TMEM204: variants seen among roughly 807,000 people sequenced by gnomAD.
TMEM204 encodes transmembrane protein 204.
In TMEM204, 15 loss-of-function variants were observed where a neutral mutation model predicts 19.4. That is an observed-to-expected ratio of 0.77 (90% CI 0.52 to 1.19). The LOEUF is 1.19. Ranked by LOEUF, TMEM204 falls within the 50% of genes most tolerant of loss-of-function variation. TMEM204 has a pLI of 0.00. For missense variants in TMEM204, 287 were observed against 321.2 expected (o/e 0.89, Z 0.81); for synonymous variants, 161 against 146.0 (o/e 1.10, Z -0.74).
chr16:1,531,618 G>A (rs1175583646), upstream of TMEM204: 2 of 152,318 alleles, frequency 1.3e-5, no homozygotes, highest in African/African-American at 4.8e-5. The surrounding 1 kb of genome is among the most constrained non-coding windows in gnomAD (Gnocchi z 4.7). Context: ...GAGAGCCACA[G>A]ATCCTCCCAG....
intron 2 of TMEM204, among the ~76,000 whole-genome samples, chr16:1,548,442 C>T (rs1043631093): frequency 3.3e-5 from 5 of 152,188 alleles, no homozygotes; most frequent in Admixed American, 6.5e-5. Flanking sequence ...TCACACTGTC[C>T]GGGCGGCTCA....
intron 2 of TMEM204, among the ~76,000 whole-genome samples, chr16:1,549,723 C>T (rs939577388): frequency 2.6e-5 from 4 of 152,190 alleles, no homozygotes; most frequent in Non-Finnish European, 4.4e-5. Flanking sequence ...TGAGCCACCA[C>T]GCCTGGCCAC....
intron 1 of TMEM204, chr16:1,541,481 G>T: frequency 2.0e-6 from 2 of 985,408 alleles, no homozygotes; most frequent in Non-Finnish European, 2.4e-6. Flanking sequence ...CTGGCCCCCC[G>T]CGGAGTCTCC....
chr16:1,535,571 T>C (rs1017506913), intron 1 of TMEM204, among the ~76,000 whole-genome samples: 9 of 152,190 alleles, frequency 5.9e-5, no homozygotes, highest in African/African-American at 1.9e-4. Flanking sequence ...CCCGGAGTAC[T>C]GGGGTAACAC....
chr16:1,553,028 G>C lies in TMEM204; in HGVS notation c.437-1754G>C, dbSNP rs529229970. ...AAGAAGCTCCATGAAGTATTATAAA[G>C]AATGAACACAGAAACCAGTCACTGT... On this transcript the variant is annotated intron_variant, in intron 2 of 2. Transcript: ENST00000566264. This position sits in a 1 kb window ranked among gnomAD's most constrained non-coding sequence, Gnocchi z 4.4. 2 of 985,256 alleles carry C rather than the reference G, an allele frequency of 2.0e-6. No individual in the cohort carries two copies. Among genetic ancestry groups the C allele is most frequent in the East Asian group, 1.1e-4 (1 of 8,828 alleles). 61.0% of individuals were successfully genotyped at this position (985,256 alleles called of 1,614,324 possible).
At position 1,533,937 on chromosome 16, in the gene TMEM204, A is replaced by G. The variant is rs2030779837; in HGVS notation, c.-339A>G. 2.8e-6 allele frequency: 1 copy of G among 362,258 alleles called. No individual in the cohort carries two copies. Among genetic ancestry groups the G allele is most frequent in the Non-Finnish European group, 5.0e-6 (1 of 199,934 alleles). 22.4% of individuals were successfully genotyped at this position (362,258 alleles called of 1,614,324 possible). On this transcript the variant is annotated 5_prime_UTR_variant, in exon 1 of 3. Coordinates refer to ENST00000566264, the MANE Select transcript of TMEM204 (RefSeq NM_024600.6). This position sits in a 1 kb window ranked among gnomAD's most constrained non-coding sequence, Gnocchi z 4.7. ...ACTCTGTTTTCCACTGCTGCAGGCGAGAAGAGGCACGCGCGGCACAGGCCG... is the reference window on the plus strand; with the variant it reads ...ACTCTGTTTTCCACTGCTGCAGGCGGGAAGAGGCACGCGCGGCACAGGCCG...
intron 2 of TMEM204, among the ~76,000 whole-genome samples, chr16:1,543,905 G>A (rs1432892159): frequency 6.6e-6 from 1 of 152,174 alleles, no homozygotes; most frequent in Non-Finnish European, 1.5e-5. Context: ...AAATGTAATT[G>A]GAAATGCTGG....
chr16:1,538,270 G>T (rs2031279715), intron 1 of TMEM204, among the ~76,000 whole-genome samples: 1 of 152,224 alleles, frequency 6.6e-6, no homozygotes, highest in South Asian at 2.1e-4. Flanking sequence ...GCTGCACAGA[G>T]CCCCTGCCAT....
chr16:1,549,002 A>G (rs1347992403), intron 2 of TMEM204, among the ~76,000 whole-genome samples: 1 of 152,254 alleles, frequency 6.6e-6, no homozygotes, highest in African/African-American at 2.4e-5. Context: ...CGTCCTCCGC[A>G]GGAGCCACCT....
Position 1,534,267 on chromosome 16 carries a change from GCGTC to G in TMEM204, c.-8_-5del. 1 of 1,609,464 alleles carries G rather than the reference GCGTC, an allele frequency of 6.2e-7. No homozygotes were observed. Among genetic ancestry groups the G allele is most frequent in the South Asian group, 1.1e-5 (1 of 90,890 alleles). ...TTTCTCCGGATAAGCGGCGGCACCG[GCGTC>G]AGCGATGACCGTGCAGAGACTCGTG... On this transcript the variant is annotated 5_prime_UTR_variant, in exon 1 of 3. Transcript: ENST00000566264.
intron 1 of TMEM204, 98 bp from the exon 2 acceptor site, chr16:1,541,823 T>G: frequency 1.4e-6 from 2 of 1,420,426 alleles, no homozygotes; most frequent in Non-Finnish European, 1.9e-6. Flanking sequence ...CGACCGCCCT[T>G]TCCGAGGCAA....
At chr16:1,535,491 A>T (rs2030973740) in intron 1 of TMEM204, among the ~76,000 whole-genome samples, 2 of 152,180 alleles carry the variant, frequency 1.3e-5, no homozygotes, top group Admixed American at 1.3e-4. Context: ...TCGGGGTTGG[A>T]CGCTCCTTCT....
At chr16:1,541,086 A>C (rs895987522) in intron 1 of TMEM204, 1 of 985,274 alleles carries the variant, frequency 1.0e-6, no homozygotes, top group African/African-American at 1.7e-5. Context: ...CTCCCTCTGA[A>C]GTTCACTCAC....
Position 1,534,196 on chromosome 16 carries a change from C to T in TMEM204, c.-80C>T. On this transcript the variant is annotated 5_prime_UTR_variant, in exon 1 of 3. Transcript: ENST00000566264. Reference sequence around the variant, plus strand: ...GGTGATGTCCTCTAGCCACCCCTAGCAGCGTCGGCTCTCCCTGGACGTGCG... The same window carrying T: ...GGTGATGTCCTCTAGCCACCCCTAGTAGCGTCGGCTCTCCCTGGACGTGCG... 1 of 1,558,960 alleles carries T rather than the reference C, an allele frequency of 6.4e-7. No homozygotes were observed. Among genetic ancestry groups the T allele is most frequent in the East Asian group, 2.2e-5 (1 of 44,580 alleles).
At chr16:1,530,334 T>A (rs941109383), upstream of TMEM204, among the ~76,000 whole-genome samples, 1 of 152,000 alleles carries the variant, frequency 6.6e-6, no homozygotes, top group Non-Finnish European at 1.5e-5. Flanking sequence ...GGTTTCATCA[T>A]GTTGGCCAGG....
At chr16:1,554,087 G>A in intron 2 of TMEM204, 1 of 1,287,178 alleles carries the variant, frequency 7.8e-7, no homozygotes, top group African/African-American at 1.5e-5. Context: ...CCAGGGAGGA[G>A]GGAGGGTCTA....
At chr16:1,541,899 C>A in intron 1 of TMEM204, 22 bp from the exon 2 acceptor site, 1 of 1,569,874 alleles carries the variant, frequency 6.4e-7, no homozygotes, top group Non-Finnish European at 8.6e-7. Context: ...CTCACCACTG[C>A]CTCTCTGCTC....
rs2032993184 is a variant in TMEM204 at position 1,555,186 on chromosome 16, T to TGCGAGACAC, written c.*161_*162insCGAGACACG. Reference sequence around the variant, plus strand: ...GCGTGCGAGACACGTGTGCGTTTACTGTTATGTCGGTCATATGTCTGTACG... The same window carrying TGCGAGACAC: ...GCGTGCGAGACACGTGTGCGTTTACTGCGAGACACGTTATGTCGGTCATATGTCTGTACG... On this transcript the variant is annotated 3_prime_UTR_variant, in exon 3 of 3. Coordinates refer to ENST00000566264, the MANE Select transcript of TMEM204 (RefSeq NM_024600.6). 5 of 898,450 alleles carry TGCGAGACAC rather than the reference T, an allele frequency of 5.6e-6. No homozygotes were observed. In the East Asian group the frequency reaches 1.3e-4, roughly 24 times the overall value. The allele number at this position is 898,450 out of a possible 1,614,324, so 55.7% of individuals were successfully genotyped here.
At chr16:1,545,368 C>T (rs1047332642) in intron 2 of TMEM204, among the ~76,000 whole-genome samples, 18 of 152,228 alleles carry the variant, frequency 1.2e-4, no homozygotes, top group Admixed American at 2.0e-4. Context: ...ACCTCTCCCC[C>T]TCAGTGTCCA....
Sources: allele counts gnomAD v4.1 joint callset (sites outside exome capture counted in the v4.1 genomes callset), GRCh38; gene constraint gnomAD v4.1.1; non-coding constraint Gnocchi (gnomAD v3.1); transcripts MANE v1.5; gene names NCBI Gene and HGNC (gene_info 2026-07-23, HGNC 2026-07-21).